The following MRPL43 variants were observed in gnomAD, a reference collection of about 807,000 sequenced individuals.
MRPL43 encodes the protein mitochondrial ribosomal protein L43.
In MRPL43, 9 loss-of-function variants were observed where a neutral mutation model predicts 12.7. That is an observed-to-expected ratio of 0.71 (90% CI 0.43 to 1.24). The LOEUF is 1.24. Among genes scored for constraint, MRPL43 ranks in the 50% most tolerant of loss-of-function variants. MRPL43 has a pLI of 0.00. For synonymous variants in MRPL43, 116 were observed against 96.4 expected, an observed-to-expected ratio of 1.20 and a Z score of -1.19; for missense variants, 211 against 229.2, an observed-to-expected ratio of 0.92 and a Z score of 0.51.
At chr10:100,981,045 G>A (rs1589992927), downstream of MRPL43, 1 of 1,596,890 alleles carries the variant, frequency 6.3e-7, no homozygotes, top group Non-Finnish European at 8.5e-7. Flanking sequence ...GAGTGGAGGA[G>A]GAAGGCCTGA....
At chr10:100,984,848 T>G (rs1207413139), downstream of MRPL43, 1 of 1,502,796 alleles carries the variant, frequency 6.7e-7, no homozygotes, top group Non-Finnish European at 8.9e-7. Context: ...GTGTGGCCCT[T>G]GTGAATCAGC....
chr10:100,978,802 G>A, downstream of MRPL43: 1 of 1,599,242 alleles, frequency 6.3e-7, no homozygotes, highest in East Asian at 2.2e-5. Context: ...TGAGGGAAAG[G>A]AATCCCCAGC....
downstream of MRPL43, chr10:100,984,200 T>C: frequency 1.3e-6 from 2 of 1,527,188 alleles, no homozygotes; most frequent in Non-Finnish European, 1.8e-6. Context: ...ACTGCCTCCC[T>C]AACACAGCCA....
chr10:100,978,826 C>G (rs755243554), downstream of MRPL43: 1 of 1,610,306 alleles, frequency 6.2e-7, no homozygotes, highest in Non-Finnish European at 8.5e-7. Context: ...TCTCAAAAGC[C>G]TCTCAAACTG....
downstream of MRPL43, chr10:100,980,447 G>A: frequency 7.3e-7 from 1 of 1,363,486 alleles, no homozygotes; most frequent in South Asian, 1.2e-5. Flanking sequence ...AGTGTCCTGA[G>A]GGTCCACTGC....
downstream of MRPL43, chr10:100,981,306 G>A (rs1183602339): frequency 6.3e-7 from 1 of 1,597,422 alleles, no homozygotes; most frequent in Non-Finnish European, 8.6e-7. Flanking sequence ...GTACGTATAT[G>A]TTTGTATCTG....
chr10:100,984,873 T>C, downstream of MRPL43: 2 of 1,482,144 alleles, frequency 1.3e-6, no homozygotes, highest in African/African-American at 1.4e-5. Flanking sequence ...CCACTCTCCT[T>C]GGTCATTCTC....
downstream of MRPL43, chr10:100,983,203 T>C (rs116127309): frequency 2.6e-4 from 344 of 1,331,498 alleles, 1 homozygote; most frequent in African/African-American, 4.6e-3. Flanking sequence ...GATTCTGGGT[T>C]CTGTGCTTGG....
chr10:100,980,759 G>A, downstream of MRPL43: 1 of 1,605,372 alleles, frequency 6.2e-7, no homozygotes, highest in Non-Finnish European at 8.5e-7. Context: ...GGGAGGTTGG[G>A]CAGAGGCTGT....
downstream of MRPL43, chr10:100,978,722 C>T: frequency 6.5e-7 from 1 of 1,545,652 alleles, no homozygotes; most frequent in Non-Finnish European, 8.9e-7. Flanking sequence ...GACCACCCCA[C>T]CCCCAAATCC....
At chr10:100,983,889 G>C, downstream of MRPL43, 1 of 1,545,268 alleles carries the variant, frequency 6.5e-7, no homozygotes, top group South Asian at 1.2e-5. Flanking sequence ...GATCATCCCT[G>C]GGGAGGGAGC....
downstream of MRPL43, chr10:100,984,549 C>A: frequency 6.5e-7 from 1 of 1,536,182 alleles, no homozygotes; most frequent in Non-Finnish European, 8.7e-7. Flanking sequence ...GCCCTGTGTG[C>A]TGGATGGTCC....
chr10:100,980,790 G>A (rs370354956), downstream of MRPL43: 6 of 1,554,142 alleles, frequency 3.9e-6, no homozygotes, highest in African/African-American at 4.1e-5. Flanking sequence ...GAGTGGGGAC[G>A]CTGCCGACCA....
At chr10:100,978,860 G>C, downstream of MRPL43, 1 of 1,614,014 alleles carries the variant, frequency 6.2e-7, no homozygotes, top group Non-Finnish European at 8.5e-7. Flanking sequence ...TGCGGAGTTT[G>C]TGTTCTCCGT....
downstream of MRPL43, chr10:100,984,671 G>C: frequency 6.5e-7 from 1 of 1,536,200 alleles, no homozygotes; most frequent in Non-Finnish European, 8.7e-7. Context: ...ACCTTCTCCT[G>C]GTGCATTCTT....
rs1275124152 is a variant in MRPL43, at chr10:100,986,903, A to G, written c.311T>C (p.Leu104Pro). 1 of 1,612,210 alleles carries G rather than the reference A, an allele frequency of 6.2e-7. No individual in the cohort carries two copies. Among genetic ancestry groups the G allele is most frequent in the African/African-American group, 1.3e-5 (1 of 74,920 alleles). The change falls in exon 3 of 3, where the codon CTG (leucine) becomes CCG (proline). Residue 104 changes from leucine (L) to proline (P), a missense_variant. By Grantham distance (98) the Leu-to-Pro change is moderately conservative. Coordinates refer to ENST00000318364, the MANE Select transcript of MRPL43 (RefSeq NM_032112.3). The part of the protein sequence containing the change: ...VEEISTLVQK[L>P]ADQSGLDVIR... ...CACGTCCAAGCCCGACTGGTCGGCC[A>G]GCTTCTGCACCAGCGTCGAGATCTC...
chr10:100,986,213 A>T, downstream of MRPL43: 1 of 999,668 alleles, frequency 1.0e-6, no homozygotes, highest in Non-Finnish European at 1.3e-6. Context: ...TCTAGTTTTA[A>T]AATAATGAAA....
chr10:100,978,928 C>G (rs1233131910), downstream of MRPL43: 1 of 1,614,216 alleles, frequency 6.2e-7, no homozygotes, highest in East Asian at 2.2e-5. Flanking sequence ...TGTACTACTT[C>G]TTCACGGAGC....
downstream of MRPL43, chr10:100,984,751 C>T: frequency 6.5e-7 from 1 of 1,536,138 alleles, no homozygotes; most frequent in Non-Finnish European, 8.7e-7. Context: ...TCTTCCCCAG[C>T]CCCATGTGGT....
Sources: allele counts gnomAD v4.1 joint callset, GRCh38; gene constraint gnomAD v4.1.1; transcripts MANE v1.5; gene names NCBI Gene and HGNC (gene_info 2026-07-23, HGNC 2026-07-21).